The following TMEM120B variants were observed in gnomAD, a reference collection of about 807,000 sequenced individuals.
TMEM120B encodes the protein transmembrane protein 120B.
A neutral mutation model predicts 55.5 loss-of-function variants in TMEM120B; 31 were observed. That is an observed-to-expected ratio of 0.56 (90% CI 0.42 to 0.75). The LOEUF is 0.75. Ranked by LOEUF, TMEM120B falls within the 30% of genes least tolerant of loss-of-function variation. TMEM120B has a pLI of 0.00. For synonymous variants in TMEM120B, 203 were observed against 176.3 expected (o/e 1.15, Z -1.20); for missense variants, 399 against 425.5 (o/e 0.94, Z 0.55).
In TMEM120B at chr12:121,750,471, C is replaced by T; in HGVS notation, c.365+32C>T. 5 of 1,584,098 alleles carry T rather than the reference C, an allele frequency of 3.2e-6. No individual in the cohort carries two copies. The South Asian group carries it at 4.4e-5, about 14-fold the overall frequency. ...GTCCCCCACCCACCACCCAGACCCA[C>T]ACCTCACACCGCCCCCACACCCACA... On this transcript the variant is annotated intron_variant, in intron 4 of 11. Transcript: ENST00000449592.
intron 5 of TMEM120B, among the ~76,000 whole-genome samples, chr12:121,754,006 C>A (rs1483034026): frequency 6.6e-6 from 1 of 152,228 alleles, no homozygotes; most frequent in African/African-American, 2.4e-5. Context: ...CTGTTCCTTT[C>A]TCTGGCCCTG....
At chr12:121,713,897 C>G (rs1424935686) in intron 1 of TMEM120B, among the ~76,000 whole-genome samples, 1 of 152,160 alleles carries the variant, frequency 6.6e-6, no homozygotes, top group African/African-American at 2.4e-5. Context: ...CACACTATCA[C>G]CCCAGTCCTC....
chr12:121,723,275 T>A (rs533944513), intron 1 of TMEM120B, among the ~76,000 whole-genome samples: 98 of 152,232 alleles, frequency 6.4e-4, no homozygotes, highest in Non-Finnish European at 9.6e-4. Flanking sequence ...TCAAGCTATC[T>A]TCCCACCTCA....
rs1334738305 is a variant in TMEM120B at position 121,775,759 on chromosome 12, C to T, written c.*37C>T. On this transcript the variant is annotated 3_prime_UTR_variant, in exon 12 of 12. Transcript: ENST00000449592. This position sits in a 1 kb window ranked among gnomAD's most constrained non-coding sequence, Gnocchi z 4.3. ...CTGTGCCCTCGGCCCGGACTTCAGACTGCAGGGGGCTCCCGGGCTCCTTCC... is the reference window on the plus strand; with the variant it reads ...CTGTGCCCTCGGCCCGGACTTCAGATTGCAGGGGGCTCCCGGGCTCCTTCC... 1.2e-6 allele frequency: 2 copies of T among 1,606,608 alleles called. No individual in the cohort carries two copies. The highest frequency in any genetic ancestry group is 1.7e-6 in the Non-Finnish European group (2 of 1,175,376).
At position 121,733,463 on chromosome 12, in the gene TMEM120B, T is replaced by A. The variant is rs1163416513; in HGVS notation, c.70-10166T>A. 2.0e-5 allele frequency among the ~76,000 whole-genome samples: 3 copies of A among 151,732 alleles called. No homozygotes were observed. In the East Asian group the frequency reaches 5.8e-4, roughly 29 times the overall value. On this transcript the variant is annotated intron_variant, in intron 1 of 11. Transcript: ENST00000449592. ...GTTTCACCATGTTAGCTAGGATGGG[T>A]TTGATCTCCTGACCTCATGATCCGC...
In TMEM120B at chr12:121,750,377, C is replaced by T. The variant is rs970625474; in HGVS notation, c.306-3C>T. On this transcript the variant is annotated splice_region_variant and splice_polypyrimidine_tract_variant and intron_variant, in intron 3 of 11. Coordinates refer to ENST00000449592, the MANE Select transcript of TMEM120B (RefSeq NM_001080825.2). ...CATGCCCCTCACAGGTGTTTCCTTC[C>T]AGGCTCTACTTGAACCTGGTCCTCG... 1.9e-6 allele frequency: 3 copies of T among 1,612,312 alleles called. No homozygotes were observed. The highest frequency in any genetic ancestry group is 2.5e-6 in the Non-Finnish European group (3 of 1,179,054).
chr12:121,756,974 G>A (rs1438849066), intron 5 of TMEM120B, among the ~76,000 whole-genome samples: 2 of 152,148 alleles, frequency 1.3e-5, no homozygotes, highest in Non-Finnish European at 2.9e-5. Context: ...ACTAGCTGAG[G>A]ACGGTGCCTG....
rs186735907 is a variant in TMEM120B, at chr12:121,732,117, G to T, written c.70-11512G>T. On this transcript the variant is annotated intron_variant, in intron 1 of 11. Transcript: ENST00000449592. The stretch of plus-strand genomic sequence containing the variant: ...GGGCCATTGCACTCCAGCCTGGGCA[G>T]CAGAGCAAGACTCCATCTCAAAAGG... Among the ~76,000 whole-genome samples the T allele has an allele frequency of 2.5e-3, 385 of 152,228 alleles. 1 individual carries two copies. The highest frequency in any genetic ancestry group is 8.7e-3 in the African/African-American group (362 of 41,530).
intron 1 of TMEM120B, among the ~76,000 whole-genome samples, chr12:121,717,414 G>A (rs1039598114): frequency 6.6e-6 from 1 of 152,144 alleles, no homozygotes; most frequent in Non-Finnish European, 1.5e-5. Flanking sequence ...AGGGAGACAG[G>A]CTCGAAGCAA....
intron 1 of TMEM120B, among the ~76,000 whole-genome samples, chr12:121,734,319 C>A (rs1047518064): frequency 9.2e-5 from 14 of 152,018 alleles, no homozygotes; most frequent in Non-Finnish European, 1.5e-4. Context: ...AGTGCAATGG[C>A]ATGATCTTGG....
chr12:121,775,139 G>A lies in TMEM120B; in HGVS notation c.906+9G>A, dbSNP rs1307281606. 22 of 1,606,502 alleles carry A rather than the reference G, an allele frequency of 1.4e-5. No individual in the cohort carries two copies. Among genetic ancestry groups the A allele is most frequent in the Non-Finnish European group, 1.9e-5 (22 of 1,175,688 alleles). On this transcript the variant is annotated intron_variant, in intron 11 of 11. Transcript: ENST00000449592. This position sits in a 1 kb window ranked among gnomAD's most constrained non-coding sequence, Gnocchi z 4.3. ...AATGCAGAGAATGGCAGGTATGGGG[G>A]GTGGGGGCATGCTCGGGGGAGGTTC...
At chr12:121,741,865 A>G (rs940633519) in intron 1 of TMEM120B, among the ~76,000 whole-genome samples, 4 of 151,908 alleles carry the variant, frequency 2.6e-5, no homozygotes, top group African/African-American at 9.7e-5. Context: ...TGGGGGGCCC[A>G]GGAAGGAGAG....
intron 1 of TMEM120B, among the ~76,000 whole-genome samples, chr12:121,720,211 G>A (rs1411764904): frequency 6.6e-6 from 1 of 152,052 alleles, no homozygotes; most frequent in African/African-American, 2.4e-5. Flanking sequence ...ACCCAAATGC[G>A]TGCCTCCCAC....
chr12:121,740,938 A>G (rs538518439), intron 1 of TMEM120B, among the ~76,000 whole-genome samples: 26 of 152,270 alleles, frequency 1.7e-4, no homozygotes, highest in African/African-American at 6.0e-4. Context: ...CTCTGTCACA[A>G]CTACTTGTTT....
At chr12:121,723,620 A>G (rs1192198014) in intron 1 of TMEM120B, among the ~76,000 whole-genome samples, 1 of 152,144 alleles carries the variant, frequency 6.6e-6, no homozygotes, top group Non-Finnish European at 1.5e-5. Flanking sequence ...ACCATTGACT[A>G]AACTCAACTG....
At chr12:121,739,190 A>C (rs1872846962) in intron 1 of TMEM120B, among the ~76,000 whole-genome samples, 2 of 152,302 alleles carry the variant, frequency 1.3e-5, no homozygotes, top group South Asian at 4.1e-4. Flanking sequence ...TCTGTCTCAA[A>C]AAACAAAAAA....
intron 1 of TMEM120B, among the ~76,000 whole-genome samples, chr12:121,718,611 C>A (rs902149369): frequency 6.6e-6 from 1 of 152,128 alleles, no homozygotes; most frequent in Non-Finnish European, 1.5e-5. Context: ...AGCCAGAATT[C>A]GAACCCATGC....
At chr12:121,767,137 C>A (rs1873874953) in intron 6 of TMEM120B, among the ~76,000 whole-genome samples, 1 of 151,792 alleles carries the variant, frequency 6.6e-6, no homozygotes, top group South Asian at 2.1e-4. Flanking sequence ...TAAAAAAAGG[C>A]CGTGAGCTCC....
chr12:121,771,871 C>A (rs1199481150), intron 8 of TMEM120B, among the ~76,000 whole-genome samples: 1 of 152,128 alleles, frequency 6.6e-6, no homozygotes, highest in Admixed American at 6.6e-5. Flanking sequence ...TATTATTTTT[C>A]TCATCTGAAA....
Sources: allele counts gnomAD v4.1 joint callset (sites outside exome capture counted in the v4.1 genomes callset), GRCh38; gene constraint gnomAD v4.1.1; non-coding constraint Gnocchi (gnomAD v3.1); transcripts MANE v1.5; gene names NCBI Gene and HGNC (gene_info 2026-07-23, HGNC 2026-07-21).